Variants in RSRP1 observed in about 807,000 individuals in gnomAD.
The protein encoded by RSRP1 is arginine and serine rich protein 1, also known as arginine/serine-rich protein 1.
RSRP1 carries 37 observed loss-of-function variants against 33.0 expected under a neutral mutation model. The observed-to-expected ratio is 1.12, with a 90% CI of 0.86 to 1.48. RSRP1 has a LOEUF of 1.48. RSRP1 is among the 40% of genes most tolerant of loss of function. The pLI, the probability that RSRP1 is intolerant of heterozygous loss-of-function variation, is 0.00. For synonymous variants in RSRP1, 167 were observed against 158.7 expected, an observed-to-expected ratio of 1.05 and a Z score of -0.40; for missense variants, 402 against 385.3, an observed-to-expected ratio of 1.04 and a Z score of -0.36.
In RSRP1 at chr1:25,290,230, G is replaced by A. The variant is rs1315945978; in HGVS notation, c.-66-43201C>T. 3.1e-5 allele frequency among the ~76,000 whole-genome samples: 4 copies of A among 128,390 alleles called. No individual in the cohort carries two copies. In the South Asian group the frequency reaches 9.6e-4, roughly 31 times the overall value. 84.2% of individuals were successfully genotyped at this position (128,390 alleles called of 152,430 possible). A position where few individuals can be genotyped will look rare whatever the true frequency, so the allele number is the denominator to read the frequency against. On this transcript the variant is annotated intron_variant, in intron 1 of 1. Transcript: ENST00000561867. ...GGTGACTGGATGTGGGCAGGCCTGC[G>A]GGGGAAGAGTGCCCTCTGTTGAGCA...
At chr1:25,260,149 C>T (rs1040085423) in intron 1 of RSRP1, among the ~76,000 whole-genome samples, 6 of 152,172 alleles carry the variant, frequency 3.9e-5, no homozygotes, top group Non-Finnish European at 7.3e-5. Flanking sequence ...CACATAAACA[C>T]CATTTAGTCA....
chr1:25,306,485 C>T (rs1643846079), intron 1 of RSRP1: 1 of 1,041,328 alleles, frequency 9.6e-7, no homozygotes, highest in Admixed American at 1.8e-5. Flanking sequence ...TGAGGTGAGC[C>T]TTAGTGCCCA....
rs1239056167 is a variant in RSRP1, at chr1:25,298,516, G to A, written c.-67+39462C>T. 5.4e-5 allele frequency among the ~76,000 whole-genome samples: 7 copies of A among 129,892 alleles called. 2 individuals carry two copies. Among genetic ancestry groups the A allele is most frequent in the African/African-American group, 1.8e-4 (7 of 38,096 alleles). 85.2% of individuals were successfully genotyped at this position (129,892 alleles called of 152,430 possible). A position where few individuals can be genotyped will look rare whatever the true frequency, so the allele number is the denominator to read the frequency against. On this transcript the variant is annotated intron_variant, in intron 1 of 1. Coordinates refer to the RSRP1 transcript ENST00000561867. ...GAGTCATTTCAGTGCACCAGCTCAA[G>A]AAATGAATATTCCAGGCCAAGAATC...
At chr1:25,307,652 T>C (rs2427766) in intron 1 of RSRP1, 195,089 of 1,232,146 alleles carry the variant, frequency 0.16, 53,675 homozygotes, top group South Asian at 0.29. Flanking sequence ...CCAAGGTCAC[T>C]CGGCTGGAAC....
In RSRP1 at chr1:25,283,657, G is replaced by A. The variant is rs1457381360; in HGVS notation, c.-66-36628C>T. On this transcript the variant is annotated intron_variant, in intron 1 of 1. Coordinates refer to the RSRP1 transcript ENST00000561867. ...CACGTCAAAGTGTGGTTGTGAGAAC[G>A]AAACAAGATAGTCTATGTAAAGTGA... Among the ~76,000 whole-genome samples the A allele has an allele frequency of 3.7e-5, 5 of 133,802 alleles. 1 individual carries two copies. Among genetic ancestry groups the A allele is most frequent in the African/African-American group, 1.0e-4 (4 of 38,314 alleles). 87.8% of individuals were successfully genotyped at this position (133,802 alleles called of 152,430 possible). A position where few individuals can be genotyped will look rare whatever the true frequency, so the allele number is the denominator to read the frequency against.
chr1:25,300,869 C>G, intron 1 of RSRP1: 1 of 1,333,732 alleles, frequency 7.5e-7, no homozygotes, highest in Non-Finnish European at 1.1e-6. Context: ...AAGCTCTGAA[C>G]TTTCTCCAAG....
At chr1:25,298,767 A>C (rs1643139579) in intron 1 of RSRP1, among the ~76,000 whole-genome samples, 1 of 131,596 alleles carries the variant, frequency 7.6e-6, no homozygotes, top group Non-Finnish European at 1.8e-5. Flanking sequence ...CGTCTGTTCC[A>C]GAAGGAAAGA....
chr1:25,285,745 G>A (rs661680), intron 1 of RSRP1, among the ~76,000 whole-genome samples: 1 of 135,130 alleles, frequency 7.4e-6, no homozygotes, highest in Non-Finnish European at 1.8e-5. Flanking sequence ...CACTTAATAG[G>A]AGGAAGTAGG....
At chr1:25,287,218 T>A (rs1247524299) in intron 1 of RSRP1, among the ~76,000 whole-genome samples, 1 of 135,484 alleles carries the variant, frequency 7.4e-6, no homozygotes, top group African/African-American at 2.5e-5. Flanking sequence ...CCCTGGGGGA[T>A]TTCAAATGGT....
In RSRP1 at chr1:25,242,521, A is replaced by G; in HGVS notation, c.*68T>C. 1.0e-6 allele frequency: 1 copy of G among 964,204 alleles called. No homozygotes were observed. The highest frequency in any genetic ancestry group is 1.4e-5 in the South Asian group (1 of 69,116). 59.7% of individuals were successfully genotyped at this position (964,204 alleles called of 1,614,324 possible). A position where few individuals can be genotyped will look rare whatever the true frequency, so the allele number is the denominator to read the frequency against. On this transcript the variant is annotated 3_prime_UTR_variant, in exon 5 of 5. Coordinates refer to ENST00000243189, the MANE Select transcript of RSRP1 (RefSeq NM_020317.5). ...CCTGAATGGCTCAAAGGGATGGGAT[A>G]ATGCTAGAAACACTAACTTGCAATA...
intron 4 of RSRP1, among the ~76,000 whole-genome samples, 200 bp downstream of exon 4, chr1:25,243,350 G>A (rs766005878): frequency 9.2e-5 from 14 of 152,032 alleles, no homozygotes; most frequent in East Asian, 1.9e-4. Context: ...GCAAAATATC[G>A]GAACTAACGT....
At chr1:25,285,404 G>T (rs530149959) in intron 1 of RSRP1, among the ~76,000 whole-genome samples, 1 of 134,938 alleles carries the variant, frequency 7.4e-6, no homozygotes, top group Non-Finnish European at 1.8e-5. Context: ...AAAGTGCTGG[G>T]ATTACAGACA....
At chr1:25,315,956 T>G (rs1644416669) in intron 1 of RSRP1, among the ~76,000 whole-genome samples, 1 of 131,728 alleles carries the variant, frequency 7.6e-6, no homozygotes, top group African/African-American at 2.6e-5. Context: ...GTCCACCCCA[T>G]GAGGCTGCAG....
In RSRP1 at chr1:25,284,570, C is replaced by G; in HGVS notation, c.-66-37541G>C. The G allele has an allele frequency of 2.9e-6, 4 of 1,388,880 alleles. 1 individual carries two copies. Among genetic ancestry groups the G allele is most frequent in the Non-Finnish European group, 4.1e-6 (4 of 985,136 alleles). The allele number at this position is 1,388,880 out of a possible 1,614,324, so 86.0% of individuals were successfully genotyped here. A position where few individuals can be genotyped will look rare whatever the true frequency, so the allele number is the denominator to read the frequency against. ...TCCTTCTCGCCATCTCCCCACCGAGCAGTTGGCCAAGATCTGACCGTGATG... is the reference window on the plus strand; with the variant it reads ...TCCTTCTCGCCATCTCCCCACCGAGGAGTTGGCCAAGATCTGACCGTGATG... On this transcript the variant is annotated intron_variant, in intron 1 of 1. Coordinates refer to the RSRP1 transcript ENST00000561867.
intron 1 of RSRP1, among the ~76,000 whole-genome samples, chr1:25,285,807 T>C (rs1251286800): frequency 2.2e-5 from 3 of 135,092 alleles, no homozygotes. Flanking sequence ...TCTGAATCCC[T>C]GTGCTGCCCA....
At chr1:25,304,426 C>T (rs1426383319) in intron 1 of RSRP1, 1 of 129,090 alleles carries the variant, frequency 7.7e-6, no homozygotes, top group East Asian at 2.0e-4. Context: ...TGGTGAAACC[C>T]ATCTCTACTA....
intron 3 of RSRP1, 190 bp from the exon 4 acceptor site, chr1:25,243,823 C>T (rs1205054420): frequency 1.5e-6 from 2 of 1,312,850 alleles, no homozygotes; most frequent in Non-Finnish European, 9.7e-7. Flanking sequence ...AGGCTTAAGA[C>T]ACTCTTCCCA....
At chr1:25,320,079 G>A (rs1644616584) in intron 1 of RSRP1, among the ~76,000 whole-genome samples, 1 of 130,796 alleles carries the variant, frequency 7.6e-6, no homozygotes, top group East Asian at 2.0e-4. Context: ...TGTATTTTTA[G>A]TAGAGACAGG....
chr1:25,329,241 T>TC, intron 1 of RSRP1: 1 of 554,502 alleles, frequency 1.8e-6, no homozygotes, highest in South Asian at 2.1e-5. Flanking sequence ...TTCCTTGTTT[T>TC]TTTTTTTTTT....
Sources: gnomAD v4.1 joint callset for allele counts (sites outside exome capture counted in the v4.1 genomes callset) on GRCh38, gnomAD v4.1.1 for gene constraint, MANE v1.5 for transcripts, NCBI Gene and HGNC (gene_info 2026-07-23, HGNC 2026-07-21) for gene names.